Variants in SV2B observed in about 807,000 individuals in gnomAD.
SV2B encodes synaptic vesicle glycoprotein 2B, also known as solute carrier family 22 member B2.
A neutral mutation model predicts 73.9 loss-of-function variants in SV2B; 41 were observed. The observed-to-expected ratio is 0.56, with a 90% CI of 0.43 to 0.72. The LOEUF (loss-of-function observed/expected upper bound fraction) is 0.72. SV2B is among the 30% of genes least tolerant of loss of function. SV2B has a pLI of 0.00. For synonymous variants in SV2B, 314 were observed against 314.2 expected (o/e 1.00, Z 0.01); for missense variants, 764 against 857.8 (o/e 0.89, Z 1.37).
rs572484947 is a variant in SV2B, at chr15:91,131,780, C to T, written c.-392+31417C>T. On this transcript the variant is annotated intron_variant, in intron 1 of 12. Transcript: ENST00000394232. ...GAGTTTGAGACCAGCCTGGGCAGTA[C>T]GGTGAAACCCCGTCTCTACTAAAAA... is the stretch of plus-strand genomic sequence containing the variant. Among the ~76,000 whole-genome samples, 6 of 152,102 alleles carry T rather than the reference C, an allele frequency of 3.9e-5. No individual in the cohort carries two copies. In the South Asian group the frequency reaches 8.3e-4, roughly 21 times the overall value.
chr15:91,237,100 T>C (rs1170199627), intron 2 of SV2B, among the ~76,000 whole-genome samples: 1 of 152,104 alleles, frequency 6.6e-6, no homozygotes, highest in Non-Finnish European at 1.5e-5. Flanking sequence ...AAAGAAGAAA[T>C]AGACTCCATC....
At chr15:91,147,065 G>A (rs547278288) in intron 1 of SV2B, among the ~76,000 whole-genome samples, 4 of 152,308 alleles carry the variant, frequency 2.6e-5, no homozygotes, top group African/African-American at 9.6e-5. Flanking sequence ...CAGAGATGAT[G>A]TCTTATTTAT....
rs915131631 is a variant in SV2B, at chr15:91,292,644, C to T, written c.*92C>T. The T allele has an allele frequency of 7.5e-5, 109 of 1,448,198 alleles. No individual in the cohort carries two copies. Among genetic ancestry groups the T allele is most frequent in the Admixed American group, 2.1e-4 (9 of 42,668 alleles). The allele number at this position is 1,448,198 out of a possible 1,614,324, so 89.7% of individuals were successfully genotyped here. A position where few individuals can be genotyped will look rare whatever the true frequency, so the allele number is the denominator to read the frequency against. Reference sequence around the variant, plus strand: ...CTGCCTATCACGGTCCGGAGGACACCTTGGATAGCACGGGAGGAGAAGTTG... The same window carrying T: ...CTGCCTATCACGGTCCGGAGGACACTTTGGATAGCACGGGAGGAGAAGTTG... On this transcript the variant is annotated 3_prime_UTR_variant, in exon 13 of 13. Coordinates refer to ENST00000394232, the MANE Select transcript of SV2B (RefSeq NM_001323032.3).
rs2042999028 is a variant in SV2B, at chr15:91,141,662, A to G, written c.-392+41299A>G. On this transcript the variant is annotated intron_variant, in intron 1 of 12. Transcript: ENST00000394232. This position sits in a 1 kb window ranked among gnomAD's most constrained non-coding sequence, Gnocchi z 4.6. ...TAGCCTATTGCCTGGCACACAGTGA[A>G]TGCTTAATAAATCATTCATATTATT... 6.6e-6 allele frequency among the ~76,000 whole-genome samples: 1 copy of G among 152,154 alleles called. No individual in the cohort carries two copies. The highest frequency in any genetic ancestry group is 2.4e-5 in the African/African-American group (1 of 41,424).
intron 1 of SV2B, among the ~76,000 whole-genome samples, chr15:91,204,556 C>CTTTT (rs568973449): frequency 4.7e-5 from 6 of 127,808 alleles, no homozygotes; most frequent in South Asian, 2.5e-4. Flanking sequence ...TCTTCTTCTT[C>CTTTT]TTTTTTTTTT....
intron 9 of SV2B, among the ~76,000 whole-genome samples, chr15:91,277,722 A>G (rs1324828644): frequency 6.6e-6 from 1 of 152,112 alleles, no homozygotes; most frequent in Non-Finnish European, 1.5e-5. Flanking sequence ...GGATCTTTGA[A>G]TTGTTTCCAG....
chr15:91,254,484 G>A (rs987640385), intron 4 of SV2B, among the ~76,000 whole-genome samples: 1 of 152,062 alleles, frequency 6.6e-6, no homozygotes, highest in Non-Finnish European at 1.5e-5. Flanking sequence ...TGATCCACCC[G>A]CCTCAGCTTC....
chr15:91,117,855 A>G lies in SV2B; in HGVS notation c.-392+17492A>G, dbSNP rs369757259. On this transcript the variant is annotated intron_variant, in intron 1 of 12. Transcript: ENST00000394232. ...ATTGGGAGTAAAAATTTGATCTACC[A>G]AAGCAAGTTCCCTATGTAACAAGAT... Among the ~76,000 whole-genome samples, 19 of 152,334 alleles carry G rather than the reference A, an allele frequency of 1.2e-4. No individual in the cohort carries two copies. The East Asian group carries it at 1.7e-3, about 14-fold the overall frequency.
intron 9 of SV2B, among the ~76,000 whole-genome samples, chr15:91,270,869 G>GAGGA: frequency 9.4e-6 from 1 of 106,462 alleles, no homozygotes; most frequent in African/African-American, 4.7e-5. Context: ...TGGATGATGG[G>GAGGA]CGGACGGTGA....
Position 91,124,587 on chromosome 15 carries a change from T to G in SV2B, c.-392+24224T>G, listed in dbSNP as rs917080628. Among the ~76,000 whole-genome samples, 10 of 152,226 alleles carry G rather than the reference T, an allele frequency of 6.6e-5. No individual in the cohort carries two copies. Among genetic ancestry groups the G allele is most frequent in the Admixed American group, 3.3e-4 (5 of 15,280 alleles). On this transcript the variant is annotated intron_variant, in intron 1 of 12. Coordinates refer to ENST00000394232, the MANE Select transcript of SV2B (RefSeq NM_001323032.3). The surrounding 1 kb of genome is among the most constrained non-coding windows in gnomAD (Gnocchi z 4.6). ...TCTTCTCAAAAGAAGACTATTCATT[T>G]GCTGGGGCTGCTATAACAAAACACC...
intron 2 of SV2B, among the ~76,000 whole-genome samples, chr15:91,228,360 A>T (rs966957669): frequency 6.6e-6 from 1 of 152,238 alleles, no homozygotes; most frequent in Non-Finnish European, 1.5e-5. Context: ...GCTTTTAAGT[A>T]TAAATAATAG....
chr15:91,246,713 ACCTCCTCCTCCT>A (rs3837743), intron 2 of SV2B, among the ~76,000 whole-genome samples: 15 of 141,840 alleles, frequency 1.1e-4, no homozygotes, highest in African/African-American at 2.8e-4. Flanking sequence ...CCTCCTTTCA[ACCTCCTCCTCCT>A]CCTCCTCCTC....
chr15:91,165,676 G>A (rs943924165), intron 1 of SV2B, among the ~76,000 whole-genome samples: 1 of 152,182 alleles, frequency 6.6e-6, no homozygotes, highest in Non-Finnish European at 1.5e-5. Flanking sequence ...AGGGAGGAAG[G>A]TGATCTATCT....
rs1279712612 is a variant in SV2B, at chr15:91,258,548, G to C, written c.912G>C (p.Leu304=). The C allele has an allele frequency of 2.5e-6, 4 of 1,613,968 alleles. No individual in the cohort carries two copies. The change falls in exon 5 of 13, where the codon CTG becomes CTC. Residue 304 remains leucine, a synonymous_variant. Coordinates refer to ENST00000394232, the MANE Select transcript of SV2B (RefSeq NM_001323032.3). The surrounding 1 kb of genome is among the most constrained non-coding windows in gnomAD (Gnocchi z 4.7). ...TCATGCCAGAGAGCCCAAGGTTTCT[G>C]CTAGAGGTGAGTCAGTGCTTTTCCA... The part of the protein sequence containing the change: ...LKFMPESPRF[L]LEMGKHDEAW...
At chr15:91,219,009 G>A (rs1290020103) in intron 1 of SV2B, among the ~76,000 whole-genome samples, 1 of 152,038 alleles carries the variant, frequency 6.6e-6, no homozygotes, top group Non-Finnish European at 1.5e-5. Flanking sequence ...CATGCTCACA[G>A]CTCACTGCAA....
intron 6 of SV2B, among the ~76,000 whole-genome samples, chr15:91,263,223 GAC>G (rs968563388): frequency 1.7e-4 from 20 of 117,358 alleles, no homozygotes; most frequent in Admixed American, 3.7e-4. Context: ...CATGAACACA[GAC>G]ACACAGACAG....
intron 1 of SV2B, among the ~76,000 whole-genome samples, chr15:91,174,143 C>G (rs1250807347): frequency 6.6e-6 from 1 of 152,186 alleles, no homozygotes; most frequent in Non-Finnish European, 1.5e-5. Context: ...AGAGATACAG[C>G]CTTTAGCAAC....
At chr15:91,277,514 G>A (rs562545920) in intron 9 of SV2B, among the ~76,000 whole-genome samples, 5 of 152,014 alleles carry the variant, frequency 3.3e-5, no homozygotes, top group African/African-American at 1.2e-4. Flanking sequence ...CCAGTCCTTG[G>A]CAGCCAATGA....
At chr15:91,196,143 C>T (rs2045237907) in intron 1 of SV2B, among the ~76,000 whole-genome samples, 1 of 152,226 alleles carries the variant, frequency 6.6e-6, no homozygotes, top group Admixed American at 6.5e-5. Flanking sequence ...CTGAAATCCT[C>T]TTCTTCTTGC....
Sources: gnomAD v4.1 joint callset for allele counts (sites outside exome capture counted in the v4.1 genomes callset) on GRCh38, gnomAD v4.1.1 for gene constraint, Gnocchi (gnomAD v3.1) non-coding constraint, MANE v1.5 for transcripts, NCBI Gene and HGNC (gene_info 2026-07-23, HGNC 2026-07-21) for gene names.